The following EHMT1 variants were observed in gnomAD, a reference collection of about 807,000 sequenced individuals.
The protein encoded by EHMT1 is euchromatic histone lysine methyltransferase 1.
EHMT1 carries 15 observed loss-of-function variants against 147.2 expected under a neutral mutation model. The observed-to-expected ratio is 0.10, with a 90% CI of 0.07 to 0.16. EHMT1 has a LOEUF of 0.16. EHMT1 is among the 10% of genes least tolerant of loss of function. The pLI, the probability that EHMT1 is intolerant of heterozygous loss-of-function variation, is 1.00. For missense variants in EHMT1, 1,587 were observed against 1,772.4 expected (o/e 0.90, Z 1.88); for synonymous variants, 795 against 709.6 (o/e 1.12, Z -1.91).
At chr9:137,683,197 T>A (rs1942125339) in intron 1 of EHMT1, among the ~76,000 whole-genome samples, 1 of 152,188 alleles carries the variant, frequency 6.6e-6, no homozygotes, top group African/African-American at 2.4e-5. Context: ...GGATACAAGC[T>A]CAGAGACAGA....
chr9:137,655,303 C>T (rs957141908), intron 1 of EHMT1, among the ~76,000 whole-genome samples: 1 of 152,162 alleles, frequency 6.6e-6, no homozygotes, highest in Non-Finnish European at 1.5e-5. Flanking sequence ...AGGCGTGAGC[C>T]ACTGCGCCTG....
chr9:137,686,644 G>GT (rs956462143), intron 1 of EHMT1, among the ~76,000 whole-genome samples: 30 of 151,878 alleles, frequency 2.0e-4, no homozygotes, highest in African/African-American at 6.5e-4. Flanking sequence ...GCCTCCAAGA[G>GT]TGCTGGGATT....
chr9:137,825,019 G>C (rs1005082296), intron 25 of EHMT1, among the ~76,000 whole-genome samples: 23 of 152,176 alleles, frequency 1.5e-4, no homozygotes, highest in Admixed American at 5.2e-4. Flanking sequence ...TCCTTACCCT[G>C]TCTAATGTTA....
At chr9:137,726,334 C>T (rs564709804) in intron 3 of EHMT1, among the ~76,000 whole-genome samples, 1 of 152,304 alleles carries the variant, frequency 6.6e-6, no homozygotes, top group African/African-American at 2.4e-5. Context: ...ATCAGTTGGA[C>T]GACTCTAGGG....
chr9:137,782,259 G>A lies in EHMT1; in HGVS notation c.2276-32G>A. ...TGAGCTGGAGTCTGTGGCTACATCTGAAATCATTAATAAAACTGTGTTTGT... is the reference window on the plus strand; with the variant it reads ...TGAGCTGGAGTCTGTGGCTACATCTAAAATCATTAATAAAACTGTGTTTGT... On this transcript the variant is annotated intron_variant, in intron 14 of 26. Transcript: ENST00000460843. The surrounding 1 kb of genome is among the most constrained non-coding windows in gnomAD (Gnocchi z 5.7). 6.3e-7 allele frequency: 1 copy of A among 1,583,686 alleles called. No homozygotes were observed. Among genetic ancestry groups the A allele is most frequent in the Non-Finnish European group, 8.6e-7 (1 of 1,157,444 alleles).
intron 3 of EHMT1, among the ~76,000 whole-genome samples, chr9:137,718,129 C>T (rs975122225): frequency 1.3e-5 from 2 of 151,572 alleles, no homozygotes; most frequent in Non-Finnish European, 2.9e-5. Flanking sequence ...TTTTCACACA[C>T]AGGGCGCGCC....
At chr9:137,810,983 G>C (rs1954432056) in intron 18 of EHMT1, among the ~76,000 whole-genome samples, 1 of 152,110 alleles carries the variant, frequency 6.6e-6, no homozygotes, top group Non-Finnish European at 1.5e-5. Context: ...TTACAGGCGT[G>C]AGCCACCATG....
chr9:137,795,401 G>GCACA (rs554055210), intron 16 of EHMT1, among the ~76,000 whole-genome samples: 4,497 of 130,252 alleles, frequency 0.035, 234 homozygotes, highest in African/African-American at 0.11. Context: ...ATCGCAGGGT[G>GCACA]CACACACACA....
intron 1 of EHMT1, among the ~76,000 whole-genome samples, chr9:137,625,012 G>A (rs7026077): frequency 0.012 from 1,898 of 152,030 alleles, 38 homozygotes; most frequent in African/African-American, 0.043. Context: ...CTCCCAAGTA[G>A]CTGGGATTAC....
intron 1 of EHMT1, among the ~76,000 whole-genome samples, chr9:137,666,462 G>T (rs1939659843): frequency 6.6e-6 from 1 of 152,254 alleles, no homozygotes; most frequent in Non-Finnish European, 1.5e-5. Context: ...AGCCTCAGTG[G>T]TGGAGGGAGT....
At chr9:137,626,087 A>G (rs2501550) in intron 1 of EHMT1, among the ~76,000 whole-genome samples, 47,751 of 148,780 alleles carry the variant, frequency 0.32, 9,585 homozygotes, top group African/African-American at 0.56. Context: ...GGCTGGTCTC[A>G]AACTCCTGAC....
intron 25 of EHMT1, among the ~76,000 whole-genome samples, chr9:137,821,284 G>A (rs559587468): frequency 1.4e-5 from 2 of 147,516 alleles, no homozygotes; most frequent in Admixed American, 1.4e-4. Context: ...CTCCCAAAGT[G>A]CTGGGATTAC....
At chr9:137,773,868 G>C (rs759095018) in intron 10 of EHMT1, among the ~76,000 whole-genome samples, 28 of 151,980 alleles carry the variant, frequency 1.8e-4, no homozygotes, top group Admixed American at 9.2e-4. Context: ...GCTTATTTTT[G>C]GGGGGGCTAC....
chr9:137,724,301 G>T (rs1186499558), intron 3 of EHMT1, among the ~76,000 whole-genome samples: 1 of 152,020 alleles, frequency 6.6e-6, no homozygotes, highest in Non-Finnish European at 1.5e-5. Flanking sequence ...GGAGGGAGGA[G>T]CCTCAGCGAA....
chr9:137,787,671 G>C lies in EHMT1; in HGVS notation c.2383-3177G>C. 1.6e-6 allele frequency: 1 copy of C among 636,702 alleles called. No individual in the cohort carries two copies. Among genetic ancestry groups the C allele is most frequent in the Non-Finnish European group, 2.8e-6 (1 of 361,074 alleles). The allele number at this position is 636,702 out of a possible 1,614,324, so 39.4% of individuals were successfully genotyped here. On this transcript the variant is annotated intron_variant, in intron 15 of 26. Transcript: ENST00000460843. This position sits in a 1 kb window ranked among gnomAD's most constrained non-coding sequence, Gnocchi z 4.2. ...GGGGCCTGTCTTAAGAGCCTCACAG[G>C]CTGCACCGGGAGAGCAGCCCGCCTG... is the stretch of plus-strand genomic sequence containing the variant.
At chr9:137,620,204 T>A (rs1842869565) in intron 1 of EHMT1, 1 of 152,154 alleles carries the variant, frequency 6.6e-6, no homozygotes, top group Admixed American at 6.6e-5. Flanking sequence ...ATTCAAGGAA[T>A]TAATATTAGT....
At chr9:137,806,282 G>A (rs73575106) in intron 18 of EHMT1, among the ~76,000 whole-genome samples, 6,554 of 152,048 alleles carry the variant, frequency 0.043, 456 homozygotes, top group African/African-American at 0.15. Context: ...TTGAAAGACT[G>A]CAGAAGAGCT....
At chr9:137,796,879 A>AG (rs1386411349) in intron 16 of EHMT1, among the ~76,000 whole-genome samples, 4 of 131,400 alleles carry the variant, frequency 3.0e-5, no homozygotes, top group African/African-American at 1.2e-4. Flanking sequence ...GAAAAGACTG[A>AG]CGGGGCGGGA....
chr9:137,772,579 A>G (rs1303972519), intron 10 of EHMT1, among the ~76,000 whole-genome samples: 1 of 152,210 alleles, frequency 6.6e-6, no homozygotes, highest in Admixed American at 6.5e-5. Context: ...TTAGCCTTCC[A>G]GGGTTCTGCC....
Sources: gnomAD v4.1 joint callset for allele counts (sites outside exome capture counted in the v4.1 genomes callset) on GRCh38, gnomAD v4.1.1 for gene constraint, Gnocchi (gnomAD v3.1) non-coding constraint, MANE v1.5 for transcripts, NCBI Gene and HGNC (gene_info 2026-07-23, HGNC 2026-07-21) for gene names.